Variants in NBEA observed in about 807,000 individuals in gnomAD.
NBEA encodes the protein lysosomal-trafficking regulator 2.
NBEA carries 44 observed loss-of-function variants against 343.4 expected under a neutral mutation model. That is an observed-to-expected ratio of 0.13 (90% CI 0.10 to 0.16). NBEA has a LOEUF of 0.16. NBEA is among the 10% of genes least tolerant of loss of function. NBEA has a pLI of 1.00. For synonymous variants in NBEA, 1,175 were observed against 1,238.7 expected, an observed-to-expected ratio of 0.95 and a Z score of 1.08; for missense variants, 2,555 against 3,631.3, an observed-to-expected ratio of 0.70 and a Z score of 7.62.
intron 34 of NBEA, among the ~76,000 whole-genome samples, chr13:35,278,807 T>A (rs1387393361): frequency 6.6e-6 from 1 of 152,060 alleles, no homozygotes; most frequent in African/African-American, 2.4e-5. Context: ...AAAACATGAA[T>A]ACTTCGGGCT....
rs139876282 is a variant in NBEA, at chr13:35,147,212, T to C, written c.2445+4835T>C. Among the ~76,000 whole-genome samples the C allele has an allele frequency of 1.5e-3, 224 of 152,340 alleles. 1 individual carries two copies. The highest frequency in any genetic ancestry group is 4.9e-3 in the African/African-American group (205 of 41,586). On this transcript the variant is annotated intron_variant, in intron 18 of 58. Transcript: ENST00000379939. ...CACAGATGTGGCCCTCATACCATATTCTTCAGAGTCCCCAGATGACAGATT... is the reference window on the plus strand; with the variant it reads ...CACAGATGTGGCCCTCATACCATATCCTTCAGAGTCCCCAGATGACAGATT...
intron 18 of NBEA, among the ~76,000 whole-genome samples, chr13:35,149,165 G>A (rs2068617965): frequency 6.6e-6 from 1 of 152,078 alleles, no homozygotes; most frequent in African/African-American, 2.4e-5. Flanking sequence ...TTGAATTATA[G>A]TAGTGTTTTA....
chr13:34,972,238 C>T (rs2060022014), intron 1 of NBEA, among the ~76,000 whole-genome samples: 2 of 151,950 alleles, frequency 1.3e-5, no homozygotes, highest in Non-Finnish European at 2.9e-5. Context: ...ACTAGTCTAG[C>T]TAACAGTTTA....
chr13:35,384,237 A>G (rs1433125937), intron 38 of NBEA, among the ~76,000 whole-genome samples: 1 of 152,196 alleles, frequency 6.6e-6, no homozygotes, highest in Non-Finnish European at 1.5e-5. Context: ...AATCAGTTGT[A>G]ATGTTCTAAA....
At chr13:35,382,439 A>T (rs990167790) in intron 38 of NBEA, among the ~76,000 whole-genome samples, 14 of 152,162 alleles carry the variant, frequency 9.2e-5, no homozygotes, top group Admixed American at 2.0e-4. Context: ...AGTTGGAAGG[A>T]AGGTAAAAGG....
At chr13:35,375,342 A>G (rs1475995192) in intron 38 of NBEA, among the ~76,000 whole-genome samples, 2 of 152,142 alleles carry the variant, frequency 1.3e-5, no homozygotes, top group East Asian at 1.9e-4. Context: ...GTCATCTCAT[A>G]CATCATATTC....
chr13:35,199,276 G>A (rs911748714), intron 31 of NBEA, among the ~76,000 whole-genome samples: 1 of 152,078 alleles, frequency 6.6e-6, no homozygotes, highest in South Asian at 2.1e-4. Flanking sequence ...AAGCACTAAT[G>A]TCTGAAATCC....
rs368720745 is a variant in NBEA at position 35,046,234 on chromosome 13, G to T, written c.723+833G>T. On this transcript the variant is annotated intron_variant, in intron 4 of 58. Coordinates refer to ENST00000379939, the MANE Select transcript of NBEA (RefSeq NM_001385012.1). ...GTTTTTGGCTGTTATAAATAAAATT[G>T]CTGTGAACATTTGAGCACAGGTCTT... Among the ~76,000 whole-genome samples, 29 of 152,164 alleles carry T rather than the reference G, an allele frequency of 1.9e-4. No individual in the cohort carries two copies. The East Asian group carries it at 4.6e-3, about 24-fold the overall frequency.
At chr13:35,123,140 G>A (rs967821427) in intron 16 of NBEA, among the ~76,000 whole-genome samples, 8 of 151,886 alleles carry the variant, frequency 5.3e-5, no homozygotes, top group Admixed American at 3.9e-4. Context: ...TTAAAATTAA[G>A]AAAAAAGATT....
chr13:34,995,595 G>T (rs2060912286), intron 1 of NBEA, among the ~76,000 whole-genome samples: 1 of 152,030 alleles, frequency 6.6e-6, no homozygotes, highest in African/African-American at 2.4e-5. Context: ...AGCATTTATG[G>T]ACAGAAAACA....
chr13:35,146,288 T>C (rs965047228), intron 18 of NBEA, among the ~76,000 whole-genome samples: 4 of 152,152 alleles, frequency 2.6e-5, no homozygotes, highest in African/African-American at 7.2e-5. Context: ...AGCGTTTTGA[T>C]TTTGGAGTGT....
chr13:35,269,867 A>G (rs7321537), intron 34 of NBEA, among the ~76,000 whole-genome samples: 7,907 of 152,210 alleles, frequency 0.052, 414 homozygotes, highest in East Asian at 0.17. Context: ...GAAGAAATAG[A>G]GAAGTTTGCT....
At chr13:35,174,939 T>C (rs2070760648) in intron 27 of NBEA, among the ~76,000 whole-genome samples, 1 of 151,892 alleles carries the variant, frequency 6.6e-6, no homozygotes, top group African/African-American at 2.4e-5. Flanking sequence ...ACTACAGATG[T>C]GTGCCACCAC....
chr13:35,406,396 T>C (rs1192360302), intron 38 of NBEA, among the ~76,000 whole-genome samples: 1 of 151,908 alleles, frequency 6.6e-6, no homozygotes, highest in Non-Finnish European at 1.5e-5. Context: ...GAGATTTTGG[T>C]GTACCCATCA....
chr13:35,206,703 T>C (rs191230721), intron 31 of NBEA, among the ~76,000 whole-genome samples: 4 of 152,086 alleles, frequency 2.6e-5, no homozygotes, highest in Non-Finnish European at 4.4e-5. Flanking sequence ...ATTGACAAAG[T>C]CCATTTAAAT....
At chr13:35,388,311 G>A (rs1028980908) in intron 38 of NBEA, among the ~76,000 whole-genome samples, 3 of 152,126 alleles carry the variant, frequency 2.0e-5, no homozygotes, top group Admixed American at 6.6e-5. Flanking sequence ...CCTTCTGGGT[G>A]TAACACTTTT....
rs751102471 is a variant in NBEA at position 35,251,526 on chromosome 13, C to T, written c.5776+18907C>T. ...AGTGAGCAGCGGCCACCTCTGGGCTCATCCTGGACGTCATGTCCTTGATGC... is the reference window on the plus strand; with the variant it reads ...AGTGAGCAGCGGCCACCTCTGGGCTTATCCTGGACGTCATGTCCTTGATGC... On this transcript the variant is annotated intron_variant, in intron 34 of 58. Coordinates refer to ENST00000379939, the MANE Select transcript of NBEA (RefSeq NM_001385012.1). 3 of 1,132,664 alleles carry T rather than the reference C, an allele frequency of 2.6e-6. No individual in the cohort carries two copies. In the African/African-American group the frequency reaches 4.9e-5, roughly 19 times the overall value. The allele number at this position is 1,132,664 out of a possible 1,614,324, so 70.2% of individuals were successfully genotyped here.
At chr13:35,045,579 C>T (rs2062819098) in intron 4 of NBEA, among the ~76,000 whole-genome samples, 178 bp downstream of exon 4, 1 of 152,146 alleles carries the variant, frequency 6.6e-6, no homozygotes, top group Non-Finnish European at 1.5e-5. Flanking sequence ...CCAAAATTCC[C>T]TTGTGCCTGT....
intron 38 of NBEA, 101 bp downstream of exon 38, chr13:35,352,424 A>G: frequency 1.6e-6 from 1 of 624,492 alleles, no homozygotes; most frequent in Middle Eastern, 5.0e-4. Flanking sequence ...TAGAAAATAT[A>G]ATTTAAAATA....
Sources: allele counts gnomAD v4.1 joint callset (sites outside exome capture counted in the v4.1 genomes callset), GRCh38; gene constraint gnomAD v4.1.1; transcripts MANE v1.5; gene names NCBI Gene and HGNC (gene_info 2026-07-23, HGNC 2026-07-21).